The following MARK3 variants were observed in gnomAD, a reference collection of about 807,000 sequenced individuals.
MARK3 encodes microtubule affinity regulating kinase 3, also known as MAP/microtubule affinity-regulating kinase 3.
A neutral mutation model predicts 90.1 loss-of-function variants in MARK3; 46 were observed. That is an observed-to-expected ratio of 0.51 (90% CI 0.40 to 0.65). The LOEUF is 0.65. MARK3 is among the 30% of genes least tolerant of loss of function. The probability of loss-of-function intolerance (pLI) is 0.00; values close to 1 mark genes in which losing one functional copy is unlikely to be tolerated. For synonymous variants in MARK3, 321 were observed against 332.6 expected (o/e 0.97, Z 0.38); for missense variants, 818 against 947.2 (o/e 0.86, Z 1.79).
chr14:103,449,045 A>G, intron 4 of MARK3, 78 bp downstream of exon 4: 2 of 1,388,180 alleles, frequency 1.4e-6, no homozygotes, highest in Admixed American at 4.5e-5. Flanking sequence ...CACGTATTCT[A>G]GAAATGGTAG....
At chr14:103,500,111 T>C in intron 16 of MARK3, 45 bp from the exon 17 acceptor site, 1 of 1,529,398 alleles carries the variant, frequency 6.5e-7, no homozygotes, top group East Asian at 2.3e-5. Flanking sequence ...TAAGATTTCT[T>C]TTCTCTTTCC....
intron 16 of MARK3, 111 bp downstream of exon 16, chr14:103,498,639 TCTG>T: frequency 9.8e-7 from 1 of 1,016,534 alleles, no homozygotes; most frequent in East Asian, 3.6e-5. Flanking sequence ...AACTAAACTT[TCTG>T]CTGATAACTA....
intron 12 of MARK3, among the ~76,000 whole-genome samples, chr14:103,473,204 T>G (rs2093660456): frequency 6.6e-6 from 1 of 151,816 alleles, no homozygotes; most frequent in Non-Finnish European, 1.5e-5. Flanking sequence ...AAGAGGGAAG[T>G]GGCTGTGGCT....
intron 1 of MARK3, among the ~76,000 whole-genome samples, chr14:103,394,667 A>C (rs1408185144): frequency 6.6e-6 from 1 of 152,188 alleles, no homozygotes; most frequent in Non-Finnish European, 1.5e-5. Flanking sequence ...GTTGGACCTA[A>C]ATATTGTGGG....
At chr14:103,390,274 C>G (rs564681990) in intron 1 of MARK3, among the ~76,000 whole-genome samples, 1 of 152,058 alleles carries the variant, frequency 6.6e-6, no homozygotes, top group Non-Finnish European at 1.5e-5. Context: ...GTTGCTGCAT[C>G]GTGTTATAGC....
chr14:103,425,249 A>ATTTATTAT lies in MARK3; in HGVS notation c.244-3136_244-3135insTATTATTT, dbSNP rs376880922. ...GCCACCACACCTGGCCTATTTATTT[A>ATTTATTAT]TTATTTATTTATTTATTTATTTATT... On this transcript the variant is annotated intron_variant, in intron 2 of 17. Transcript: ENST00000429436. 5.3e-4 allele frequency among the ~76,000 whole-genome samples: 78 copies of ATTTATTAT among 146,748 alleles called. 2 individuals are homozygous for ATTTATTAT. The highest frequency in any genetic ancestry group is 2.1e-3 in the Admixed American group (31 of 14,640).
intron 3 of MARK3, 110 bp from the exon 4 acceptor site, chr14:103,448,809 A>G (rs1595726085): frequency 5.6e-6 from 6 of 1,062,908 alleles, no homozygotes; most frequent in East Asian, 5.4e-5. Flanking sequence ...AACATTAGCA[A>G]TGAATCTGTT....
intron 13 of MARK3, among the ~76,000 whole-genome samples, chr14:103,477,932 G>A (rs938992550): frequency 2.6e-5 from 4 of 151,700 alleles, no homozygotes; most frequent in Admixed American, 1.3e-4. Flanking sequence ...CCAAGAGGTT[G>A]AGGCTGCAGT....
At chr14:103,390,262 C>G (rs1185311959) in intron 1 of MARK3, among the ~76,000 whole-genome samples, 2 of 152,024 alleles carry the variant, frequency 1.3e-5, no homozygotes, top group Non-Finnish European at 2.9e-5. Context: ...AAAAAGTTCA[C>G]TGTTGCTGCA....
chr14:103,426,877 AG>A (rs1461492145), intron 2 of MARK3, among the ~76,000 whole-genome samples: 1 of 133,644 alleles, frequency 7.5e-6, no homozygotes, highest in Non-Finnish European at 1.6e-5. Context: ...AACTGCCCAA[AG>A]GGCTTTTCTA....
chr14:103,413,032 GC>G (rs753047431), intron 2 of MARK3, among the ~76,000 whole-genome samples: 1 of 151,600 alleles, frequency 6.6e-6, no homozygotes, highest in Non-Finnish European at 1.5e-5. Flanking sequence ...GCACCACCAT[GC>G]CCGGCTAATT....
At chr14:103,439,268 C>T (rs1282937138) in intron 3 of MARK3, among the ~76,000 whole-genome samples, 1 of 152,180 alleles carries the variant, frequency 6.6e-6, no homozygotes, top group African/African-American at 2.4e-5. Flanking sequence ...GATTCCCCTT[C>T]TTCATTGCCC....
chr14:103,501,225 C>T (rs1326789196), intron 17 of MARK3, among the ~76,000 whole-genome samples: 1 of 152,244 alleles, frequency 6.6e-6, no homozygotes, highest in East Asian at 1.9e-4. Flanking sequence ...AGCCCCAGCT[C>T]TGCTGCCCCA....
intron 3 of MARK3, among the ~76,000 whole-genome samples, chr14:103,435,292 C>T (rs187865554): frequency 3.4e-4 from 52 of 152,308 alleles, no homozygotes; most frequent in African/African-American, 1.1e-3. Context: ...CCTATCTTGG[C>T]GGGTCTAGAA....
At chr14:103,482,713 G>T (rs1207026016) in intron 14 of MARK3, among the ~76,000 whole-genome samples, 1 of 152,018 alleles carries the variant, frequency 6.6e-6, no homozygotes, top group South Asian at 2.1e-4. Context: ...ATGCATATAT[G>T]CCTGTGTCTT....
chr14:103,422,463 A>C (rs956925806), intron 2 of MARK3, among the ~76,000 whole-genome samples: 4 of 152,220 alleles, frequency 2.6e-5, no homozygotes, highest in Admixed American at 1.3e-4. Context: ...TCAAAAACAA[A>C]ACAAAAAGAA....
At chr14:103,426,871 G>C (rs2092420436) in intron 2 of MARK3, among the ~76,000 whole-genome samples, 1 of 142,324 alleles carries the variant, frequency 7.0e-6, no homozygotes, top group African/African-American at 2.6e-5. Context: ...TTCTTTAACT[G>C]CCCAAAGGGC....
At chr14:103,460,103 T>TTTTTTTTG (rs1338684666) in intron 6 of MARK3, among the ~76,000 whole-genome samples, 1 of 110,410 alleles carries the variant, frequency 9.1e-6, no homozygotes, top group African/African-American at 3.7e-5. Flanking sequence ...TTTTTTTTTT[T>TTTTTTTTG]TGAGACAAAT....
intron 6 of MARK3, among the ~76,000 whole-genome samples, chr14:103,460,427 ATAT>A (rs2093379087): frequency 2.6e-5 from 4 of 152,144 alleles, no homozygotes. Context: ...TGGGCTGGTA[ATAT>A]TGATGATTTG....
Sources: gnomAD v4.1 joint callset for allele counts (sites outside exome capture counted in the v4.1 genomes callset) on GRCh38, gnomAD v4.1.1 for gene constraint, MANE v1.5 for transcripts, NCBI Gene and HGNC (gene_info 2026-07-23, HGNC 2026-07-21) for gene names.